The following ZNF804B variants were observed in gnomAD, a reference collection of about 807,000 sequenced individuals.
The protein encoded by ZNF804B is zinc finger 804B.
ZNF804B carries 80 observed loss-of-function variants against 101.4 expected under a neutral mutation model. The observed-to-expected ratio is 0.79, with a 90% confidence interval of 0.66 to 0.95. The LOEUF (loss-of-function observed/expected upper bound fraction) is 0.95, where lower values mean the gene tolerates loss of function less well. ZNF804B is among the 40% of genes least tolerant of loss of function. The pLI is 0.00. For missense variants in ZNF804B, 1,673 were observed against 1,561.9 expected (o/e 1.07, Z -1.20); for synonymous variants, 622 against 558.8 (o/e 1.11, Z -1.59).
intron 1 of ZNF804B, among the ~76,000 whole-genome samples, chr7:88,859,471 T>C: frequency 6.6e-6 from 1 of 152,138 alleles, no homozygotes; most frequent in East Asian, 1.9e-4. Context: ...ATGATTTATG[T>C]GAGTTATGTG....
At chr7:89,120,180 A>C (rs1790378834) in intron 1 of ZNF804B, among the ~76,000 whole-genome samples, 1 of 152,064 alleles carries the variant, frequency 6.6e-6, no homozygotes, top group Non-Finnish European at 1.5e-5. Flanking sequence ...GCTACTTGGT[A>C]GGCCGAGGCA....
At chr7:89,330,068 C>A (rs1395603556) in intron 3 of ZNF804B, among the ~76,000 whole-genome samples, 1 of 151,448 alleles carries the variant, frequency 6.6e-6, no homozygotes, top group Non-Finnish European at 1.5e-5. Context: ...AAACCAAACT[C>A]TACAGACACT....
At chr7:88,815,354 A>G (rs548389579) in intron 1 of ZNF804B, among the ~76,000 whole-genome samples, 123 of 148,690 alleles carry the variant, frequency 8.3e-4, no homozygotes, top group Middle Eastern at 3.6e-3. Flanking sequence ...GTTTAATACC[A>G]GAAACCCAGT....
In ZNF804B at chr7:89,216,029, C is replaced by T. The variant is rs1038223635; in HGVS notation, c.109-2126C>T. On this transcript the variant is annotated intron_variant, in intron 1 of 3. Coordinates refer to ENST00000333190, the MANE Select transcript of ZNF804B (RefSeq NM_181646.5). ...AATAAATAAATAAATACCGGCTGGG[C>T]GTAGTGGCTCACGCCTATAATGCCA... is the stretch of plus-strand genomic sequence containing the variant. Among the ~76,000 whole-genome samples, 4 of 152,194 alleles carry T rather than the reference C, an allele frequency of 2.6e-5. No homozygotes were observed. The East Asian group carries it at 7.7e-4, about 29-fold the overall frequency.
At chr7:89,271,519 T>G (rs1038476785) in intron 2 of ZNF804B, among the ~76,000 whole-genome samples, 1 of 152,144 alleles carries the variant, frequency 6.6e-6, no homozygotes, top group Non-Finnish European at 1.5e-5. Context: ...GATATTGGTC[T>G]AAAATTCTTT....
At chr7:89,310,218 A>C (rs1790631138) in intron 2 of ZNF804B, among the ~76,000 whole-genome samples, 1 of 152,142 alleles carries the variant, frequency 6.6e-6, no homozygotes, top group Non-Finnish European at 1.5e-5. Flanking sequence ...AGTTGGAGGA[A>C]ACTGAAAACT....
chr7:88,911,529 C>G (rs1031923361), intron 1 of ZNF804B, among the ~76,000 whole-genome samples: 1 of 149,766 alleles, frequency 6.7e-6, no homozygotes, highest in African/African-American at 2.4e-5. Context: ...ATTTCTTAAA[C>G]TTCTTTTCAC....
chr7:89,119,180 A>G (rs1451789583), intron 1 of ZNF804B, among the ~76,000 whole-genome samples: 1 of 152,172 alleles, frequency 6.6e-6, no homozygotes, highest in African/African-American at 2.4e-5. Context: ...CTTTAGTATC[A>G]TTAATGGTGG....
chr7:89,272,861 A>G (rs1405054685), intron 2 of ZNF804B, among the ~76,000 whole-genome samples: 2 of 151,942 alleles, frequency 1.3e-5, no homozygotes, highest in East Asian at 1.9e-4. Context: ...GGAAAGGCCA[A>G]CTCCAATTCT....
chr7:89,197,724 G>T (rs1183464482), intron 1 of ZNF804B, among the ~76,000 whole-genome samples: 1 of 151,714 alleles, frequency 6.6e-6, no homozygotes, highest in Non-Finnish European at 1.5e-5. Context: ...TTAGATTCTT[G>T]ATTTTTCCTT....
chr7:88,924,479 T>G (rs1005109517), intron 1 of ZNF804B, among the ~76,000 whole-genome samples: 2 of 152,164 alleles, frequency 1.3e-5, no homozygotes, highest in African/African-American at 4.8e-5. Context: ...GTGACAAATA[T>G]TTTTCCCTAT....
chr7:89,173,240 A>C (rs965583603), intron 1 of ZNF804B, among the ~76,000 whole-genome samples: 1 of 152,000 alleles, frequency 6.6e-6, no homozygotes, highest in Non-Finnish European at 1.5e-5. Context: ...TCCAGCCTAC[A>C]CCATTCCACA....
chr7:89,207,718 C>T (rs957225531), intron 1 of ZNF804B, among the ~76,000 whole-genome samples: 1 of 152,176 alleles, frequency 6.6e-6, no homozygotes, highest in African/African-American at 2.4e-5. Context: ...GTTCTCTCCC[C>T]TTTAGCATAT....
intron 1 of ZNF804B, among the ~76,000 whole-genome samples, chr7:89,059,376 G>T (rs561923243): frequency 6.6e-6 from 1 of 152,274 alleles, no homozygotes; most frequent in South Asian, 2.1e-4. Flanking sequence ...AAGGCCTCAG[G>T]AAGCTTACAA....
At chr7:89,232,162 T>A (rs914100778) in intron 2 of ZNF804B, among the ~76,000 whole-genome samples, 5 of 151,868 alleles carry the variant, frequency 3.3e-5, no homozygotes. Context: ...AGCCAGATGC[T>A]TTTTTTTGCA....
chr7:89,146,964 G>A (rs977918577), intron 1 of ZNF804B, among the ~76,000 whole-genome samples: 3 of 151,432 alleles, frequency 2.0e-5, no homozygotes, highest in Admixed American at 1.3e-4. Flanking sequence ...TGGGAAGTGC[G>A]GGTTGCATGA....
At chr7:88,966,596 T>C (rs1299523151) in intron 1 of ZNF804B, among the ~76,000 whole-genome samples, 2 of 151,574 alleles carry the variant, frequency 1.3e-5, no homozygotes, top group African/African-American at 2.4e-5. Context: ...TGTAACCTAT[T>C]TGTAGAATAA....
chr7:89,286,483 T>C (rs764769322), intron 2 of ZNF804B, among the ~76,000 whole-genome samples: 1 of 152,184 alleles, frequency 6.6e-6, no homozygotes, highest in Non-Finnish European at 1.5e-5. Flanking sequence ...CATGACTTCA[T>C]AGGATTTACA....
chr7:89,192,292 T>G (rs1014226711), intron 1 of ZNF804B, among the ~76,000 whole-genome samples: 4 of 151,986 alleles, frequency 2.6e-5, no homozygotes, highest in African/African-American at 9.7e-5. Context: ...TTTACCCCTG[T>G]ACCGCTTCTT....
Sources: allele counts gnomAD v4.1 joint callset (sites outside exome capture counted in the v4.1 genomes callset), GRCh38; gene constraint gnomAD v4.1.1; transcripts MANE v1.5; gene names NCBI Gene and HGNC (gene_info 2026-07-23, HGNC 2026-07-21).